The following PCDH15 variants were observed in gnomAD, a reference collection of about 807,000 sequenced individuals.
The protein encoded by PCDH15 is protocadherin-15.
Under a neutral mutation model 178.5 loss-of-function variants are expected in PCDH15, and 129 were observed. The ratio of observed to expected loss-of-function variants is 0.72; its 90% CI spans 0.63 to 0.84. The LOEUF (loss-of-function observed/expected upper bound fraction) is 0.84. Ranked by LOEUF, PCDH15 falls within the 40% of genes least tolerant of loss-of-function variation. PCDH15 has a pLI of 0.00. For missense variants in PCDH15, 2,230 were observed against 2,099.9 expected, an observed-to-expected ratio of 1.06 and a Z score of -1.21; for synonymous variants, 800 against 732.0, an observed-to-expected ratio of 1.09 and a Z score of -1.50.
chr10:55,246,523 A>G (rs963362474), intron 1 of PCDH15, among the ~76,000 whole-genome samples: 1 of 152,198 alleles, frequency 6.6e-6, no homozygotes, highest in Non-Finnish European at 1.5e-5. Flanking sequence ...AAAGTTCTCA[A>G]TTGTAGAAAT....
chr10:54,525,420 G>C (rs1384271944), intron 3 of PCDH15, among the ~76,000 whole-genome samples: 1 of 152,152 alleles, frequency 6.6e-6, no homozygotes, highest in Non-Finnish European at 1.5e-5. Flanking sequence ...GAGAAATTAA[G>C]AGAGTATAGA....
chr10:53,973,289 C>T (rs1401832797), intron 21 of PCDH15, among the ~76,000 whole-genome samples: 1 of 115,870 alleles, frequency 8.6e-6, no homozygotes, highest in Non-Finnish European at 1.7e-5. Flanking sequence ...CAGGGCCTGT[C>T]ATGGGGTGGG....
chr10:55,360,920 A>G (rs1039376862), intron 2 of PCDH15, among the ~76,000 whole-genome samples: 27 of 152,012 alleles, frequency 1.8e-4, no homozygotes, highest in African/African-American at 6.3e-4. Context: ...AATATCTCAA[A>G]CTGGAAACAA....
chr10:55,168,448 G>T (rs1564856750), intron 1 of PCDH15, among the ~76,000 whole-genome samples: 1 of 152,304 alleles, frequency 6.6e-6, no homozygotes, highest in East Asian at 1.9e-4. Context: ...GAAAGTTTAT[G>T]CAGTGACCTC....
At chr10:53,884,610 A>G (rs1404831428) in intron 26 of PCDH15, among the ~76,000 whole-genome samples, 1 of 152,154 alleles carries the variant, frequency 6.6e-6, no homozygotes, top group African/African-American at 2.4e-5. Context: ...AAAAATTACA[A>G]TCTAATATTT....
At chr10:54,857,546 AAG>A (rs1212779474) in intron 3 of PCDH15, among the ~76,000 whole-genome samples, 1 of 152,150 alleles carries the variant, frequency 6.6e-6, no homozygotes, top group African/African-American at 2.4e-5. Context: ...TCCTGGGAAA[AAG>A]AGATTCTGTG....
At chr10:55,215,287 T>A (rs569359766) in intron 1 of PCDH15, among the ~76,000 whole-genome samples, 2 of 152,250 alleles carry the variant, frequency 1.3e-5, no homozygotes, top group East Asian at 1.9e-4. Flanking sequence ...TAGTACTGAA[T>A]TATTTATCCT....
At chr10:54,627,751 C>T (rs2093596632) in intron 2 of PCDH15, among the ~76,000 whole-genome samples, 1 of 152,192 alleles carries the variant, frequency 6.6e-6, no homozygotes, top group Non-Finnish European at 1.5e-5. Context: ...ACCTGGGACA[C>T]AGCCTTGAAC....
intron 26 of PCDH15, among the ~76,000 whole-genome samples, chr10:53,889,908 A>T (rs1320011933): frequency 6.6e-6 from 1 of 152,212 alleles, no homozygotes; most frequent in Non-Finnish European, 1.5e-5. Flanking sequence ...AGTCTATAAA[A>T]ATATCGTAAA....
intron 21 of PCDH15, among the ~76,000 whole-genome samples, chr10:53,984,122 C>CTTTTTTTTTTTT (rs57184119): frequency 3.6e-5 from 4 of 112,666 alleles, no homozygotes; most frequent in African/African-American, 3.6e-5. Flanking sequence ...AAGTGCTTTT[C>CTTTTTTTTTTTT]TTTTTTTTTT....
At chr10:54,657,765 T>A (rs1445525546) in intron 2 of PCDH15, among the ~76,000 whole-genome samples, 1 of 152,160 alleles carries the variant, frequency 6.6e-6, no homozygotes, top group African/African-American at 2.4e-5. Context: ...TGAGAAAGAA[T>A]CAATGCATGA....
At chr10:54,856,724 T>C (rs1392917890) in intron 3 of PCDH15, among the ~76,000 whole-genome samples, 3 of 152,182 alleles carry the variant, frequency 2.0e-5, no homozygotes, top group Non-Finnish European at 2.9e-5. Context: ...AGACCTGACA[T>C]GTGCTTCATT....
intron 1 of PCDH15, among the ~76,000 whole-genome samples, chr10:55,245,087 G>A (rs763091363): frequency 6.6e-6 from 1 of 152,002 alleles, no homozygotes; most frequent in African/African-American, 2.4e-5. Flanking sequence ...GGTTTTGCAT[G>A]AGTTTAAAAC....
intron 2 of PCDH15, among the ~76,000 whole-genome samples, chr10:55,446,156 C>A (rs1007543276): frequency 6.6e-6 from 1 of 151,750 alleles, no homozygotes; most frequent in Non-Finnish European, 1.5e-5. Flanking sequence ...TAATAAATAA[C>A]ACCATGTAGT....
At chr10:54,577,473 T>A (rs2090601367) in intron 2 of PCDH15, among the ~76,000 whole-genome samples, 1 of 152,008 alleles carries the variant, frequency 6.6e-6, no homozygotes, top group Non-Finnish European at 1.5e-5. Flanking sequence ...AAGTTAAAAA[T>A]GTAGTGTCCA....
intron 1 of PCDH15, among the ~76,000 whole-genome samples, chr10:55,279,365 C>T (rs113162591): frequency 0.014 from 2,093 of 152,140 alleles, 50 homozygotes; most frequent in African/African-American, 0.048. Flanking sequence ...AATTTTCAGC[C>T]TTTTTTGGAA....
intron 2 of PCDH15, among the ~76,000 whole-genome samples, chr10:55,063,271 T>C (rs767443585): frequency 6.6e-6 from 1 of 152,100 alleles, no homozygotes; most frequent in Non-Finnish European, 1.5e-5. Flanking sequence ...TAAAATACAG[T>C]TTCTCTTAGC....
At chr10:54,324,132 C>A (rs2061786990) in intron 7 of PCDH15, among the ~76,000 whole-genome samples, 1 of 152,008 alleles carries the variant, frequency 6.6e-6, no homozygotes, top group Non-Finnish European at 1.5e-5. Flanking sequence ...AACACTAATT[C>A]CACACATCAG....
At chr10:54,009,089 G>T (rs2092482680) in intron 20 of PCDH15, among the ~76,000 whole-genome samples, 1 of 151,794 alleles carries the variant, frequency 6.6e-6, no homozygotes, top group African/African-American at 2.4e-5. Context: ...CCTTTTTCCA[G>T]ACCACTAGAG....
Sources: gnomAD v4.1 joint callset for allele counts (sites outside exome capture counted in the v4.1 genomes callset) on GRCh38, gnomAD v4.1.1 for gene constraint, MANE v1.5 for transcripts, NCBI Gene and HGNC (gene_info 2026-07-23, HGNC 2026-07-21) for gene names.